Variants in SIK3 observed in about 807,000 individuals in gnomAD.
The protein encoded by SIK3 is serine/threonine-protein kinase SIK3.
In SIK3, 28 loss-of-function variants were observed where a neutral mutation model predicts 144.2. The observed-to-expected ratio is 0.19, with a 90% confidence interval of 0.14 to 0.27. SIK3 has a LOEUF of 0.27. Among genes scored for constraint, SIK3 ranks in the 10% least tolerant of loss-of-function variants. SIK3 has a pLI of 1.00. For missense variants in SIK3, 1,319 were observed against 1,776.0 expected, an observed-to-expected ratio of 0.74 and a Z score of 4.62; for synonymous variants, 686 against 676.3, an observed-to-expected ratio of 1.01 and a Z score of -0.22.
intron 1 of SIK3, among the ~76,000 whole-genome samples, chr11:117,058,996 G>C (rs2135946848): frequency 6.6e-6 from 1 of 152,318 alleles, no homozygotes; most frequent in East Asian, 1.9e-4. Context: ...AGTGATGCCA[G>C]GAAGAATGTC....
chr11:117,070,816 G>A (rs1351909598), intron 1 of SIK3, among the ~76,000 whole-genome samples: 3 of 142,890 alleles, frequency 2.1e-5, no homozygotes, highest in Admixed American at 7.3e-5. Flanking sequence ...ACAATGGTGC[G>A]ATCTCAGCTC....
At chr11:116,931,900 A>C (rs961135226) in intron 3 of SIK3, among the ~76,000 whole-genome samples, 3 of 152,200 alleles carry the variant, frequency 2.0e-5, no homozygotes, top group Non-Finnish European at 4.4e-5. Flanking sequence ...GCTGCCACTG[A>C]CTAGAGGAAG....
chr11:116,870,297 G>T (rs1443581605), intron 14 of SIK3, 34 bp downstream of exon 14: 25 of 1,613,822 alleles, frequency 1.5e-5, no homozygotes, highest in Non-Finnish European at 2.1e-5. Flanking sequence ...GCCTGCCCAG[G>T]GGCTTCTGCA....
At chr11:117,013,882 T>A (rs1951377094) in intron 1 of SIK3, among the ~76,000 whole-genome samples, 1 of 80,300 alleles carries the variant, frequency 1.2e-5, no homozygotes, top group African/African-American at 4.0e-5. Context: ...GACATGGATA[T>A]AAGTCTCCAG....
At chr11:116,953,103 A>AAC (rs140535467) in intron 3 of SIK3, among the ~76,000 whole-genome samples, 43 of 151,364 alleles carry the variant, frequency 2.8e-4, no homozygotes, top group East Asian at 1.7e-3. Flanking sequence ...TAAAAACACA[A>AAC]ACACACACAC....
At chr11:117,042,750 T>A (rs1165441694) in intron 1 of SIK3, among the ~76,000 whole-genome samples, 1 of 152,236 alleles carries the variant, frequency 6.6e-6, no homozygotes, top group Non-Finnish European at 1.5e-5. Context: ...TCTTTCTCTG[T>A]TCAACTAAGA....
intron 1 of SIK3, among the ~76,000 whole-genome samples, chr11:117,016,773 A>G (rs1951560227): frequency 6.6e-6 from 1 of 152,214 alleles, no homozygotes; most frequent in Admixed American, 6.5e-5. Flanking sequence ...AATATACACA[A>G]ATTTTGTTAA....
chr11:117,077,384 G>A (rs1195249179), intron 1 of SIK3, among the ~76,000 whole-genome samples: 1 of 152,138 alleles, frequency 6.6e-6, no homozygotes, highest in Admixed American at 6.5e-5. Flanking sequence ...AACCTCAATG[G>A]AATACATAAT....
At chr11:116,908,862 A>G (rs1946191198) in intron 4 of SIK3, among the ~76,000 whole-genome samples, 1 of 152,182 alleles carries the variant, frequency 6.6e-6, no homozygotes, top group Admixed American at 6.5e-5. Flanking sequence ...CACACACCAT[A>G]TGACCCAGCA....
intron 6 of SIK3, among the ~76,000 whole-genome samples, chr11:116,892,975 T>C (rs1236755260): frequency 6.6e-6 from 1 of 152,186 alleles, no homozygotes; most frequent in Non-Finnish European, 1.5e-5. Context: ...CTGCATCCTG[T>C]ATGTTTCTAC....
At chr11:117,084,390 C>T (rs1421848429) in intron 1 of SIK3, among the ~76,000 whole-genome samples, 1 of 152,112 alleles carries the variant, frequency 6.6e-6, no homozygotes, top group East Asian at 1.9e-4. Flanking sequence ...TCAGACCTCT[C>T]GAGTAGCTAG....
At chr11:116,918,816 A>T (rs1344487408) in intron 4 of SIK3, among the ~76,000 whole-genome samples, 4 of 152,252 alleles carry the variant, frequency 2.6e-5, no homozygotes, top group African/African-American at 9.6e-5. Flanking sequence ...ATTAAGTAGA[A>T]TACAAATTTG....
Position 116,873,987 on chromosome 11 carries a change from G to C in SIK3, c.1497C>G (p.Phe499Leu). Residue 499 changes from phenylalanine to leucine, a missense_variant, in exon 12 of 25, where the codon TTC (phenylalanine) becomes TTG (leucine). This residue lies in a region of SIK3 where 167 missense variants were observed against 263.3 expected (regional missense o/e 0.63). Coordinates refer to ENST00000445177, the MANE Select transcript of SIK3 (RefSeq NM_001366686.3). The stretch of plus-strand genomic sequence containing the variant: ...AGTTCACATTAGGGGCCACCTGCAG[G>C]AATGGAGCCTGGGGGTTGACTCCAG... ...GFPGVNPQAP[F>L]LQVAPNVNFM... The C allele has an allele frequency of 6.2e-7, 1 of 1,614,098 alleles. No individual in the cohort carries two copies. The highest frequency in any genetic ancestry group is 8.5e-7 in the Non-Finnish European group (1 of 1,179,992).
At chr11:117,060,128 T>C (rs1438659118) in intron 1 of SIK3, among the ~76,000 whole-genome samples, 1 of 152,018 alleles carries the variant, frequency 6.6e-6, no homozygotes, top group African/African-American at 2.4e-5. Flanking sequence ...AATGGGTAAA[T>C]AAACAGTGGA....
chr11:117,071,470 A>G (rs767516366), intron 1 of SIK3, among the ~76,000 whole-genome samples: 2 of 152,036 alleles, frequency 1.3e-5, no homozygotes, highest in Non-Finnish European at 2.9e-5. Context: ...GACAGAGGCC[A>G]TGCCTCTCTC....
At chr11:116,929,795 T>C (rs1476138196) in intron 3 of SIK3, among the ~76,000 whole-genome samples, 5 of 152,252 alleles carry the variant, frequency 3.3e-5, no homozygotes, top group Non-Finnish European at 5.9e-5. Context: ...AAAGACATTT[T>C]TGAAAAGGTC....
intron 12 of SIK3, 73 bp from the exon 13 acceptor site, chr11:116,873,709 T>C: frequency 6.6e-7 from 1 of 1,506,144 alleles, no homozygotes; most frequent in East Asian, 2.3e-5. Flanking sequence ...AAGCCACTCA[T>C]CTATGGAAAT....
At chr11:116,859,854 C>T (rs1481640481) in intron 19 of SIK3, among the ~76,000 whole-genome samples, 2 of 152,160 alleles carry the variant, frequency 1.3e-5, no homozygotes, top group Non-Finnish European at 2.9e-5. Flanking sequence ...CCAACAAGTT[C>T]CCTTAAAAGC....
intron 6 of SIK3, among the ~76,000 whole-genome samples, chr11:116,889,829 G>A (rs10892042): frequency 0.16 from 23,961 of 152,162 alleles, 1,975 homozygotes; most frequent in African/African-American, 0.18. Context: ...CCCAGGAGGC[G>A]GAGGCTGCAG....
Sources: gnomAD v4.1 joint callset for allele counts (sites outside exome capture counted in the v4.1 genomes callset) on GRCh38, gnomAD v4.1.1 for gene constraint, gnomAD v4.1.1 regional missense constraint, MANE v1.5 for transcripts, NCBI Gene and HGNC (gene_info 2026-07-23, HGNC 2026-07-21) for gene names.